The following AVL9 variants were observed in gnomAD, a reference collection of about 807,000 sequenced individuals.
AVL9 encodes the protein AVL9 cell migration associated, also known as late secretory pathway protein AVL9 homolog.
In AVL9, 49 loss-of-function variants were observed where a neutral mutation model predicts 79.2. The ratio of observed to expected loss-of-function variants is 0.62; its 90% CI spans 0.49 to 0.79. The LOEUF (loss-of-function observed/expected upper bound fraction) is 0.79, where lower values mean the gene tolerates loss of function less well. Ranked by LOEUF, AVL9 falls within the 30% of genes least tolerant of loss-of-function variation. The pLI, the probability that AVL9 is intolerant of heterozygous loss-of-function variation, is 0.00. For missense variants in AVL9, 682 were observed against 776.8 expected, an observed-to-expected ratio of 0.88 and a Z score of 1.45; for synonymous variants, 299 against 280.6, an observed-to-expected ratio of 1.07 and a Z score of -0.65.
Position 32,583,908 on chromosome 7 carries a change from G to C in AVL9, c.*1G>C. 6.2e-7 allele frequency: 1 copy of C among 1,609,314 alleles called. No individual in the cohort carries two copies. Among genetic ancestry groups the C allele is most frequent in the Non-Finnish European group, 8.5e-7 (1 of 1,175,686 alleles). ...TGAGCCACCAGATGAGAAGCCTTGAGCAAGGCGTCAGAGGCTGCTATTGCT... is the reference window on the plus strand; with the variant it reads ...TGAGCCACCAGATGAGAAGCCTTGACCAAGGCGTCAGAGGCTGCTATTGCT... On this transcript the variant is annotated 3_prime_UTR_variant, in exon 16 of 16. Coordinates refer to ENST00000318709, the MANE Select transcript of AVL9 (RefSeq NM_015060.3).
chr7:32,504,095 C>G (rs1431940717), intron 1 of AVL9, among the ~76,000 whole-genome samples: 1 of 152,144 alleles, frequency 6.6e-6, no homozygotes, highest in Non-Finnish European at 1.5e-5. Flanking sequence ...ATTATAATAT[C>G]TTTATTGCCT....
intron 1 of AVL9, among the ~76,000 whole-genome samples, chr7:32,517,068 G>A (rs778386774): frequency 2.6e-5 from 4 of 152,080 alleles, no homozygotes; most frequent in African/African-American, 9.7e-5. Flanking sequence ...TTTTGTTATT[G>A]TTAATTGTTT....
chr7:32,555,128 C>T (rs1790000893), intron 8 of AVL9, among the ~76,000 whole-genome samples: 1 of 152,134 alleles, frequency 6.6e-6, no homozygotes. Flanking sequence ...CACTTGCGCT[C>T]AGGAGTTTGA....
intron 1 of AVL9, among the ~76,000 whole-genome samples, chr7:32,530,381 T>C (rs1203229265): frequency 1.3e-5 from 2 of 152,256 alleles, no homozygotes; most frequent in African/African-American, 4.8e-5. Context: ...GGAAATTATT[T>C]GTCAGAAACA....
intron 1 of AVL9, among the ~76,000 whole-genome samples, chr7:32,508,880 G>A (rs1787530296): frequency 6.6e-6 from 1 of 152,144 alleles, no homozygotes; most frequent in Non-Finnish European, 1.5e-5. Flanking sequence ...TTTGTAATAA[G>A]TTTTGATACC....
intron 4 of AVL9, among the ~76,000 whole-genome samples, chr7:32,550,171 A>G (rs1014407375): frequency 2.0e-5 from 3 of 152,238 alleles, no homozygotes; most frequent in African/African-American, 4.8e-5. Context: ...GACGATTACA[A>G]TAATAATAGA....
chr7:32,501,190 A>G lies in AVL9; in HGVS notation c.93+5388A>G, dbSNP rs186620836. ...ATGTTGGAGTGCTACAACTATACTCAAGCCCTGAGTGATTCAGGTTTTGGT... is the reference window on the plus strand; with the variant it reads ...ATGTTGGAGTGCTACAACTATACTCGAGCCCTGAGTGATTCAGGTTTTGGT... On this transcript the variant is annotated intron_variant, in intron 1 of 15. Transcript: ENST00000318709. Among the ~76,000 whole-genome samples the G allele has an allele frequency of 2.9e-3, 449 of 152,296 alleles. 2 individuals are homozygous for G. The highest frequency in any genetic ancestry group is 3.3e-3 in the Non-Finnish European group (226 of 68,036).
At chr7:32,566,030 G>T (rs1264321678) in intron 10 of AVL9, among the ~76,000 whole-genome samples, 1 of 148,996 alleles carries the variant, frequency 6.7e-6, no homozygotes, top group Admixed American at 6.7e-5. Flanking sequence ...CCAGCTACTT[G>T]GAAGGCTGAG....
chr7:32,506,935 C>T (rs967531496), intron 1 of AVL9, among the ~76,000 whole-genome samples: 9 of 151,040 alleles, frequency 6.0e-5, no homozygotes, highest in Non-Finnish European at 1.0e-4. Flanking sequence ...AGATCAATAT[C>T]CCTCATGAAC....
Position 32,559,441 on chromosome 7 carries a change from A to T in AVL9, c.1192A>T (p.Met398Leu). The change falls in exon 10 of 16, where the codon ATG (methionine) becomes TTG (leucine). Residue 398 changes from methionine to leucine, a missense_variant. Transcript: ENST00000318709. ...ISGLEEDQYGMPLAIFTKGYL... is the reference protein window; with the variant it reads ...ISGLEEDQYGLPLAIFTKGYL... Reference sequence around the variant, plus strand: ...GGGTTTGGAAGAGGATCAGTATGGCATGCCCCTGGCCATCTTCACAAAGGT... The same window carrying T: ...GGGTTTGGAAGAGGATCAGTATGGCTTGCCCCTGGCCATCTTCACAAAGGT... 6.3e-7 allele frequency: 1 copy of T among 1,576,644 alleles called. No individual in the cohort carries two copies. The highest frequency in any genetic ancestry group is 8.6e-7 in the Non-Finnish European group (1 of 1,163,410).
chr7:32,556,560 G>GA (rs1341044245), intron 8 of AVL9, among the ~76,000 whole-genome samples: 1 of 125,666 alleles, frequency 8.0e-6, no homozygotes, highest in East Asian at 2.7e-4. Flanking sequence ...CCTTCAAACA[G>GA]AAAAAAAGAT....
intron 1 of AVL9, among the ~76,000 whole-genome samples, chr7:32,501,126 T>A (rs1321733744): frequency 1.3e-5 from 2 of 152,206 alleles, no homozygotes; most frequent in South Asian, 2.1e-4. Flanking sequence ...AATGTTGCAT[T>A]GCAAATTTAG....
chr7:32,565,416 A>G (rs6958985), intron 10 of AVL9, among the ~76,000 whole-genome samples: 127,369 of 151,922 alleles, frequency 0.84, 53,446 homozygotes, highest in Middle Eastern at 0.88. Flanking sequence ...AAAATTAGCT[A>G]GGTGTGGTGG....
intron 6 of AVL9, 69 bp from the exon 7 acceptor site, chr7:32,553,658 G>T: frequency 1.8e-6 from 2 of 1,127,746 alleles, no homozygotes; most frequent in Non-Finnish European, 1.3e-6. Flanking sequence ...CTGTTAAGGG[G>T]GAAATAACCT....
At chr7:32,518,770 G>A (rs1177642220) in intron 1 of AVL9, among the ~76,000 whole-genome samples, 2 of 152,050 alleles carry the variant, frequency 1.3e-5, no homozygotes, top group Non-Finnish European at 2.9e-5. Context: ...AGTAAAAAGG[G>A]AATTTATAAA....
At chr7:32,574,258 G>A (rs1447932173) in intron 12 of AVL9, among the ~76,000 whole-genome samples, 1 of 103,750 alleles carries the variant, frequency 9.6e-6, no homozygotes, top group East Asian at 2.8e-4. Flanking sequence ...ACCACCACAT[G>A]CTCCCAGGTT....
chr7:32,523,205 C>T (rs1286398582), intron 1 of AVL9, among the ~76,000 whole-genome samples: 1 of 148,426 alleles, frequency 6.7e-6, no homozygotes, highest in Non-Finnish European at 1.5e-5. Flanking sequence ...GGACTAGCCC[C>T]AGAAGGATGA....
At chr7:32,497,697 CCA>C (rs1412565847) in intron 1 of AVL9, among the ~76,000 whole-genome samples, 1 of 151,514 alleles carries the variant, frequency 6.6e-6, no homozygotes, top group African/African-American at 2.4e-5. Context: ...ACTCTCTCAC[CCA>C]GGCTGGAGTG....
chr7:32,498,042 G>A, intron 1 of AVL9, among the ~76,000 whole-genome samples: 1 of 152,170 alleles, frequency 6.6e-6, no homozygotes, highest in Admixed American at 6.5e-5. Flanking sequence ...AGAAGTGACT[G>A]AAGTAAAACC....
Sources: gnomAD v4.1 joint callset for allele counts (sites outside exome capture counted in the v4.1 genomes callset) on GRCh38, gnomAD v4.1.1 for gene constraint, MANE v1.5 for transcripts, NCBI Gene and HGNC (gene_info 2026-07-23, HGNC 2026-07-21) for gene names.